PCNA: variants seen among roughly 807,000 people sequenced by gnomAD.
PCNA encodes DNA sliding clamp PCNA.
A neutral mutation model predicts 27.8 loss-of-function variants in PCNA; 4 were observed. The observed-to-expected ratio is 0.14, with a 90% confidence interval of 0.07 to 0.33. The LOEUF (loss-of-function observed/expected upper bound fraction) is 0.33, where lower values mean the gene tolerates loss of function less well. Ranked by LOEUF, PCNA falls within the 10% of genes least tolerant of loss-of-function variation. PCNA has a pLI of 1.00. For synonymous variants in PCNA, 121 were observed against 119.4 expected (o/e 1.01, Z -0.09); for missense variants, 165 against 327.4 (o/e 0.50, Z 3.83).
At chr20:5,120,979 G>GTAT (rs1014492706), upstream of PCNA, among the ~76,000 whole-genome samples, 38 of 151,744 alleles carry the variant, frequency 2.5e-4, no homozygotes, top group Admixed American at 1.7e-3. Context: ...GCTAATTTTT[G>GTAT]TATTATTATT....
At chr20:5,123,857 A>C (rs1371330870), upstream of PCNA, among the ~76,000 whole-genome samples, 1 of 152,222 alleles carries the variant, frequency 6.6e-6, no homozygotes, top group African/African-American at 2.4e-5. Flanking sequence ...CATAAAACAT[A>C]ATGAATAACC....
rs916800606 is a variant in PCNA, at chr20:5,119,852, A to C, written c.-54T>G. Reference sequence around the variant, plus strand: ...AGGCAGGCGGGAAGGAGGAAAGTCTAGCTGGTTTCGGCTTCAGGAGCCTCA... The same window carrying C: ...AGGCAGGCGGGAAGGAGGAAAGTCTCGCTGGTTTCGGCTTCAGGAGCCTCA... On this transcript the variant is annotated 5_prime_UTR_variant, in exon 1 of 6. Transcript: ENST00000379143. 1 of 1,440,922 alleles carries C rather than the reference A, an allele frequency of 6.9e-7. No individual in the cohort carries two copies. Among genetic ancestry groups the C allele is most frequent in the East Asian group, 2.5e-5 (1 of 40,382 alleles). 89.3% of individuals were successfully genotyped at this position (1,440,922 alleles called of 1,614,324 possible). A position where few individuals can be genotyped will look rare whatever the true frequency, so the allele number is the denominator to read the frequency against.
chr20:5,117,852 A>C (rs1184739037), intron 3 of PCNA, among the ~76,000 whole-genome samples, 188 bp from the exon 4 acceptor site: 1 of 152,270 alleles, frequency 6.6e-6, no homozygotes, highest in Non-Finnish European at 1.5e-5. Flanking sequence ...TGCACCATCC[A>C]GGGAACAAGA....
At chr20:5,123,208 G>C (rs1168452399), upstream of PCNA, among the ~76,000 whole-genome samples, 2 of 152,212 alleles carry the variant, frequency 1.3e-5, no homozygotes, top group Non-Finnish European at 2.9e-5. Context: ...GCTGGGGTGA[G>C]CTCTTGCAGG....
chr20:5,121,961 CT>C (rs10712799), upstream of PCNA, among the ~76,000 whole-genome samples: 22,806 of 143,358 alleles, frequency 0.16, 2,456 homozygotes, highest in African/African-American at 0.31. Context: ...CTTAGAATTT[CT>C]TTTTTTTTTT....
intron 1 of PCNA, among the ~76,000 whole-genome samples, chr20:5,119,244 CAAG>C (rs1177424601): frequency 3.3e-5 from 5 of 152,086 alleles, no homozygotes; most frequent in African/African-American, 1.2e-4. Flanking sequence ...GTCTCAGAAA[CAAG>C]AAAGCCACAG....
chr20:5,125,127 C>T (rs2090538655), intron 1 of PCNA, among the ~76,000 whole-genome samples: 1 of 152,012 alleles, frequency 6.6e-6, no homozygotes, highest in Non-Finnish European at 1.5e-5. Flanking sequence ...TTGCTCGAGC[C>T]CAGGAGTTTA....
upstream of PCNA, among the ~76,000 whole-genome samples, chr20:5,124,562 G>A (rs149914523): frequency 0.021 from 3,113 of 150,534 alleles, 98 homozygotes; most frequent in African/African-American, 0.07. Context: ...CCTGGGAGGC[G>A]GAGGTTGCAG....
In PCNA at chr20:5,119,872, G is replaced by A. The variant is rs554299970; in HGVS notation, c.-74C>T. On this transcript the variant is annotated 5_prime_UTR_variant, in exon 1 of 6. Coordinates refer to ENST00000379143, the MANE Select transcript of PCNA (RefSeq NM_182649.2). ...AGTCTAGCTGGTTTCGGCTTCAGGA[G>A]CCTCAGAGCGAGCGGGCGAACGTCG... The A allele has an allele frequency of 5.3e-5, 64 of 1,218,582 alleles. 1 individual carries two copies. The East Asian group carries it at 1.6e-3, about 30-fold the overall frequency. 75.5% of individuals were successfully genotyped at this position (1,218,582 alleles called of 1,614,324 possible).
At chr20:5,115,902 A>G (rs1386645468) in intron 4 of PCNA, among the ~76,000 whole-genome samples, 1 of 152,192 alleles carries the variant, frequency 6.6e-6, no homozygotes, top group Non-Finnish European at 1.5e-5. Flanking sequence ...TGACTATTAT[A>G]GCTGCTAACA....
chr20:5,120,488 T>A (rs1161295887), upstream of PCNA, among the ~76,000 whole-genome samples: 4 of 152,220 alleles, frequency 2.6e-5, no homozygotes, highest in Admixed American at 6.5e-5. Flanking sequence ...CCAGCTCTTA[T>A]AATCACTCAA....
Position 5,117,565 on chromosome 20 carries a change from C to T in PCNA, c.487G>A (p.Ala163Thr). 1.2e-6 allele frequency: 2 copies of T among 1,613,800 alleles called. No individual in the cohort carries two copies. Among genetic ancestry groups the T allele is most frequent in the Non-Finnish European group, 1.7e-6 (2 of 1,179,758 alleles). The change falls in exon 4 of 6, where the codon GCA becomes ACA. Residue 163 changes from alanine (A) to threonine (T), a missense_variant. By Grantham distance (58) the Ala-to-Thr change is moderately conservative. Transcript: ENST00000379143. ...HIGDAVVISC[A>T]KDGVKFSASG... is the part of the protein sequence containing the mutation. ...GCAGAAAATTTCACTCCGTCTTTTG[C>T]ACAGGAAATTACAACAGCATCTCCA...
At chr20:5,118,534 A>G (rs562800306) in intron 3 of PCNA, 76 bp downstream of exon 3, 1 of 1,099,420 alleles carries the variant, frequency 9.1e-7, no homozygotes, top group Non-Finnish European at 1.4e-6. Flanking sequence ...CCTGTCTGTA[A>G]AAATAAACAA....
At chr20:5,118,467 G>C in intron 3 of PCNA, 143 bp downstream of exon 3, 1 of 624,574 alleles carries the variant, frequency 1.6e-6, no homozygotes, top group Non-Finnish European at 2.8e-6. Context: ...AGGAATCCCA[G>C]GTTAGAGAGA....
chr20:5,116,600 G>C (rs1476839715), intron 4 of PCNA, among the ~76,000 whole-genome samples: 1 of 152,184 alleles, frequency 6.6e-6, no homozygotes. Context: ...AGGTTATGAG[G>C]TTAGGACCTT....
At position 5,118,796 on chromosome 20, in the gene PCNA, T is replaced by C. The variant is rs770091696; in HGVS notation, c.292A>G (p.Thr98Ala). The change falls in exon 2 of 6, where the codon ACC (threonine) becomes GCC (alanine). Residue 98 changes from threonine (T) to alanine (A), a missense_variant. Transcript: ENST00000379143. Reference protein sequence around the residue: ...ITLRAEDNADTLALVFEAPNQ... With the variant: ...ITLRAEDNADALALVFEAPNQ... ...GGTGCTTCAAATACTAGCGCCAAGG[T>C]ATCCGCGTTATCTTCGGCCCTTAGT... The C allele has an allele frequency of 6.2e-6, 10 of 1,614,022 alleles. No homozygotes were observed. The highest frequency in any genetic ancestry group is 8.5e-6 in the Non-Finnish European group (10 of 1,179,984).
upstream of PCNA, among the ~76,000 whole-genome samples, chr20:5,121,831 C>T (rs141222609): frequency 1.3e-5 from 2 of 152,114 alleles, no homozygotes; most frequent in East Asian, 1.9e-4. Context: ...CCCACTATGT[C>T]GCTCTGGCTG....
At chr20:5,117,344 C>G (rs139421972) in intron 4 of PCNA, 126 bp downstream of exon 4, 1 of 666,982 alleles carries the variant, frequency 1.5e-6, no homozygotes, top group African/African-American at 1.8e-5. Flanking sequence ...CAGATTTCAA[C>G]AGTATCTCAA....
upstream of PCNA, among the ~76,000 whole-genome samples, chr20:5,122,015 T>C (rs1299317883): frequency 6.6e-6 from 1 of 150,524 alleles, no homozygotes; most frequent in African/African-American, 2.4e-5. Flanking sequence ...AGAGTCTCAC[T>C]CTATCACCCA....
Sources: allele counts gnomAD v4.1 joint callset (sites outside exome capture counted in the v4.1 genomes callset), GRCh38; gene constraint gnomAD v4.1.1; transcripts MANE v1.5; gene names NCBI Gene and HGNC (gene_info 2026-07-23, HGNC 2026-07-21).